BMERB1: variants seen among roughly 807,000 people sequenced by gnomAD.
The protein encoded by BMERB1 is bMERB domain containing 1.
In BMERB1, 12 loss-of-function variants were observed where a neutral mutation model predicts 23.6. The ratio of observed to expected loss-of-function variants is 0.51; its 90% CI spans 0.33 to 0.82. The LOEUF is 0.82. BMERB1 is among the 40% of genes least tolerant of loss of function. The pLI is 0.03. For synonymous variants in BMERB1, 122 were observed against 96.6 expected, an observed-to-expected ratio of 1.26 and a Z score of -1.54; for missense variants, 247 against 255.4, an observed-to-expected ratio of 0.97 and a Z score of 0.22.
intron 3 of BMERB1, among the ~76,000 whole-genome samples, chr16:15,578,848 G>T (rs2150976432): frequency 6.6e-6 from 1 of 152,308 alleles, no homozygotes; most frequent in Non-Finnish European, 1.5e-5. Context: ...GACCATGGAG[G>T]TTAGGATTTC....
intron 1 of BMERB1, among the ~76,000 whole-genome samples, chr16:15,508,866 GA>G (rs1386105934): frequency 6.7e-6 from 1 of 149,326 alleles, no homozygotes; most frequent in African/African-American, 2.5e-5. Context: ...GGTTTACAAT[GA>G]GCCCAACACA....
chr16:15,473,394 G>T (rs1199259393), intron 1 of BMERB1, among the ~76,000 whole-genome samples: 1 of 151,316 alleles, frequency 6.6e-6, no homozygotes, highest in Non-Finnish European at 1.5e-5. Context: ...AGGTTCAAGT[G>T]CTTCTCATGT....
At chr16:15,483,655 C>T (rs902201499) in intron 1 of BMERB1, among the ~76,000 whole-genome samples, 2 of 152,184 alleles carry the variant, frequency 1.3e-5, no homozygotes, top group African/African-American at 4.8e-5. Flanking sequence ...GCTAGGATTA[C>T]AGGCATGAGC....
chr16:15,440,688 C>T (rs1054258210), intron 1 of BMERB1, among the ~76,000 whole-genome samples: 1 of 151,964 alleles, frequency 6.6e-6, no homozygotes, highest in Non-Finnish European at 1.5e-5. Context: ...CCCCAGATCC[C>T]ATTTATTCAC....
chr16:15,434,781 G>A (rs544093004), intron 1 of BMERB1, 22 bp downstream of exon 1: 4 of 456,470 alleles, frequency 8.8e-6, no homozygotes, highest in Admixed American at 6.4e-5. Flanking sequence ...GGCGGGGGGC[G>A]GGGGGCCGGG....
intron 1 of BMERB1, among the ~76,000 whole-genome samples, chr16:15,467,824 G>A (rs2051193981): frequency 6.6e-6 from 1 of 152,126 alleles, no homozygotes; most frequent in African/African-American, 2.4e-5. Context: ...GAGATACAAG[G>A]CATCAACCAA....
intron 5 of BMERB1, chr16:15,584,142 G>A: frequency 1.5e-6 from 1 of 686,934 alleles, no homozygotes; most frequent in Non-Finnish European, 2.6e-6. Flanking sequence ...GAGAGTCCCA[G>A]TGTCCATTAG....
At chr16:15,568,093 G>T in intron 3 of BMERB1, 37 bp downstream of exon 3, 1 of 1,604,108 alleles carries the variant, frequency 6.2e-7, no homozygotes, top group Non-Finnish European at 8.5e-7. Flanking sequence ...CTAAACAGGT[G>T]CTTGGGGGCC....
At chr16:15,580,756 AGG>A (rs1427823875) in intron 3 of BMERB1, among the ~76,000 whole-genome samples, 1 of 151,646 alleles carries the variant, frequency 6.6e-6, no homozygotes, top group Non-Finnish European at 1.5e-5. Flanking sequence ...CCTGTTAGCC[AGG>A]ATGGTCTCGA....
intron 2 of BMERB1, among the ~76,000 whole-genome samples, chr16:15,562,297 CTT>C (rs1403614181): frequency 7.9e-6 from 1 of 126,772 alleles, no homozygotes; most frequent in Non-Finnish European, 1.7e-5. Flanking sequence ...GAGCAAAACT[CTT>C]TTTCAAAAAA....
intron 1 of BMERB1, among the ~76,000 whole-genome samples, chr16:15,478,438 G>T (rs554324453): frequency 1.9e-4 from 29 of 152,272 alleles, no homozygotes; most frequent in African/African-American, 7.0e-4. Flanking sequence ...TGGGATTACA[G>T]ATGTGAGCCA....
At chr16:15,534,728 G>A (rs2052009810) in intron 2 of BMERB1, among the ~76,000 whole-genome samples, 4 of 152,112 alleles carry the variant, frequency 2.6e-5, no homozygotes, top group Admixed American at 2.6e-4. Context: ...ACGGGGTCCA[G>A]TTTCATCACC....
At chr16:15,548,231 G>C (rs573727612) in intron 2 of BMERB1, among the ~76,000 whole-genome samples, 2 of 152,026 alleles carry the variant, frequency 1.3e-5, no homozygotes, top group Non-Finnish European at 2.9e-5. Context: ...GTGATCTGCT[G>C]GTCTTGGCCT....
chr16:15,567,490 G>A (rs1413325935), intron 2 of BMERB1, among the ~76,000 whole-genome samples: 1 of 152,182 alleles, frequency 6.6e-6, no homozygotes, highest in Non-Finnish European at 1.5e-5. Flanking sequence ...GCTTATGCCT[G>A]TAATCCCAGC....
intron 2 of BMERB1, among the ~76,000 whole-genome samples, chr16:15,542,379 C>G (rs1426621284): frequency 2.0e-5 from 3 of 152,034 alleles, no homozygotes; most frequent in African/African-American, 4.8e-5. Flanking sequence ...TCTCCCCTGT[C>G]TTTATCACAC....
chr16:15,486,323 C>G (rs570420483), intron 1 of BMERB1, among the ~76,000 whole-genome samples: 5 of 151,976 alleles, frequency 3.3e-5, no homozygotes, highest in African/African-American at 1.2e-4. Flanking sequence ...TTGAAGGATT[C>G]TAGGGTGTCT....
intron 2 of BMERB1, among the ~76,000 whole-genome samples, chr16:15,544,700 C>A (rs976491633): frequency 6.6e-6 from 1 of 152,192 alleles, no homozygotes; most frequent in African/African-American, 2.4e-5. Flanking sequence ...CAAAATAACA[C>A]TACTCCTGAA....
intron 1 of BMERB1, among the ~76,000 whole-genome samples, chr16:15,470,993 C>T (rs1039218520): frequency 2.6e-5 from 4 of 151,262 alleles, no homozygotes; most frequent in African/African-American, 7.3e-5. Flanking sequence ...CCTGCTGCCA[C>T]GCCCAGCTAA....
chr16:15,476,049 G>T (rs1054786788), intron 1 of BMERB1, among the ~76,000 whole-genome samples: 4 of 151,946 alleles, frequency 2.6e-5, no homozygotes, highest in African/African-American at 9.7e-5. Flanking sequence ...AAGCCCCCCT[G>T]TGAACAAACA....
Sources: gnomAD v4.1 joint callset for allele counts (sites outside exome capture counted in the v4.1 genomes callset) on GRCh38, gnomAD v4.1.1 for gene constraint, MANE v1.5 for transcripts, NCBI Gene and HGNC (gene_info 2026-07-23, HGNC 2026-07-21) for gene names.